Variants in RERE observed in about 807,000 individuals in gnomAD.
RERE encodes arginine-glutamic acid dipeptide repeats protein.
Under a neutral mutation model 146.1 loss-of-function variants are expected in RERE, and 40 were observed. The ratio of observed to expected loss-of-function variants is 0.27; its 90% CI spans 0.21 to 0.36. The LOEUF (loss-of-function observed/expected upper bound fraction) is 0.36. Among genes scored for constraint, RERE ranks in the 10% least tolerant of loss-of-function variants. RERE has a pLI of 1.00. For synonymous variants in RERE, 1,003 were observed against 866.0 expected, an observed-to-expected ratio of 1.16 and a Z score of -2.78; for missense variants, 1,933 against 2,138.7, an observed-to-expected ratio of 0.90 and a Z score of 1.90.
At chr1:8,758,413 A>G (rs1640688573) in intron 1 of RERE, among the ~76,000 whole-genome samples, 1 of 148,008 alleles carries the variant, frequency 6.8e-6, no homozygotes, top group African/African-American at 2.5e-5. Context: ...TTTTAAAGAA[A>G]CGGGGTTTCA....
intron 11 of RERE, among the ~76,000 whole-genome samples, chr1:8,429,319 C>T (rs1291603429): frequency 1.3e-5 from 2 of 152,048 alleles, no homozygotes; most frequent in African/African-American, 2.4e-5. Context: ...GGAATGGAGC[C>T]GAGGGTGCAG....
chr1:8,551,656 CAT>C (rs112429748), intron 6 of RERE, among the ~76,000 whole-genome samples: 8 of 152,290 alleles, frequency 5.3e-5, no homozygotes, highest in Admixed American at 2.6e-4. Flanking sequence ...GTGTACTACA[CAT>C]GTTACTAGGG....
chr1:8,600,654 G>T (rs1646610223), intron 4 of RERE, among the ~76,000 whole-genome samples: 1 of 151,422 alleles, frequency 6.6e-6, no homozygotes, highest in African/African-American at 2.4e-5. Context: ...AAATACTAAA[G>T]TTAGCAGTAA....
At chr1:8,772,180 G>A (rs990417086) in intron 1 of RERE, among the ~76,000 whole-genome samples, 3 of 151,884 alleles carry the variant, frequency 2.0e-5, no homozygotes, top group Non-Finnish European at 4.4e-5. Context: ...GAAGGCAGGA[G>A]CTTCAACTGT....
intron 11 of RERE, among the ~76,000 whole-genome samples, chr1:8,444,707 A>G: frequency 6.6e-6 from 1 of 152,186 alleles, no homozygotes; most frequent in East Asian, 1.9e-4. Flanking sequence ...TGTGCTTGCA[A>G]TAGTGAGTGA....
intron 4 of RERE, among the ~76,000 whole-genome samples, chr1:8,564,886 A>AC (rs1646134691): frequency 7.7e-6 from 1 of 129,796 alleles, no homozygotes; most frequent in Non-Finnish European, 1.7e-5. Flanking sequence ...ATATATATAA[A>AC]ACTACTATTC....
At chr1:8,357,179 G>A (rs1641329737) in intron 20 of RERE, among the ~76,000 whole-genome samples, 1 of 152,222 alleles carries the variant, frequency 6.6e-6, no homozygotes, top group Non-Finnish European at 1.5e-5. Context: ...CAGGGGTTCT[G>A]CCAGCACCTA....
chr1:8,488,646 G>A (rs1035552414), intron 10 of RERE, among the ~76,000 whole-genome samples: 15 of 152,286 alleles, frequency 9.8e-5, no homozygotes, highest in Admixed American at 6.5e-4. Flanking sequence ...CACATTTAAA[G>A]CAGAAAGACA....
intron 11 of RERE, among the ~76,000 whole-genome samples, chr1:8,455,940 C>T (rs900584091): frequency 1.3e-5 from 2 of 152,154 alleles, no homozygotes; most frequent in South Asian, 2.1e-4. Flanking sequence ...CTCAGAAGAA[C>T]GAGTGTTGGG....
At chr1:8,745,934 A>G (rs757141259) in intron 1 of RERE, among the ~76,000 whole-genome samples, 53 of 152,186 alleles carry the variant, frequency 3.5e-4, no homozygotes, top group Non-Finnish European at 6.9e-4. Flanking sequence ...CAAGCATGGC[A>G]GCACATGCCT....
chr1:8,687,840 A>G (rs1405620453), intron 1 of RERE, among the ~76,000 whole-genome samples: 2 of 152,376 alleles, frequency 1.3e-5, no homozygotes, highest in East Asian at 3.9e-4. Flanking sequence ...TATATATTGC[A>G]AAGTAAAACA....
chr1:8,415,191 T>G (rs565629577), intron 12 of RERE, among the ~76,000 whole-genome samples: 1 of 152,210 alleles, frequency 6.6e-6, no homozygotes, highest in Non-Finnish European at 1.5e-5. Flanking sequence ...AAGCTCCAAG[T>G]GGATAAATCC....
At chr1:8,504,516 A>G (rs1014008581) in intron 8 of RERE, among the ~76,000 whole-genome samples, 2 of 152,244 alleles carry the variant, frequency 1.3e-5, no homozygotes, top group African/African-American at 4.8e-5. Context: ...CAGAATTAGA[A>G]TATCACTGTT....
rs115771351 is a variant in RERE at position 8,402,352 on chromosome 1, A to G, written c.1284+20375T>C. Among the ~76,000 whole-genome samples, 581 of 152,328 alleles carry G rather than the reference A, an allele frequency of 3.8e-3. 5 individuals carry two copies. Among genetic ancestry groups the G allele is most frequent in the African/African-American group, 0.014 (563 of 41,568 alleles). On this transcript the variant is annotated intron_variant, in intron 12 of 22. Transcript: ENST00000400908. ...CAGAAATGTGAGTAAAGAAGATCACAGCTGTTTATGTCACACACAGCCATT... is the reference window on the plus strand; with the variant it reads ...CAGAAATGTGAGTAAAGAAGATCACGGCTGTTTATGTCACACACAGCCATT...
At chr1:8,483,058 T>C (rs751239760) in intron 10 of RERE, among the ~76,000 whole-genome samples, 1 of 152,240 alleles carries the variant, frequency 6.6e-6, no homozygotes, top group Non-Finnish European at 1.5e-5. Context: ...ACAGTGCCTG[T>C]CAAGGCTGAT....
rs1347872133 is a variant in RERE at position 8,364,031 on chromosome 1, A to G, written c.1740+25T>C. 1 of 1,605,018 alleles carries G rather than the reference A, an allele frequency of 6.2e-7. No individual in the cohort carries two copies. Among genetic ancestry groups the G allele is most frequent in the South Asian group, 1.1e-5 (1 of 90,916 alleles). ...CCAGGAAACTGAAGAAGTTGCCAGG[A>G]GCCCCATGGCCCCAGGGGACTCACC... On this transcript the variant is annotated intron_variant, in intron 15 of 22. Transcript: ENST00000400908. The surrounding 1 kb of genome is among the most constrained non-coding windows in gnomAD (Gnocchi z 5.1).
intron 12 of RERE, among the ~76,000 whole-genome samples, chr1:8,398,448 C>T (rs1643132515): frequency 6.6e-6 from 1 of 152,212 alleles, no homozygotes; most frequent in African/African-American, 2.4e-5. Flanking sequence ...TCAGCTTCTT[C>T]CTGACGTGTG....
intron 1 of RERE, among the ~76,000 whole-genome samples, chr1:8,810,145 C>T (rs1023812894): frequency 2.0e-5 from 3 of 152,082 alleles, no homozygotes; most frequent in Admixed American, 6.5e-5. Context: ...ACTGGGATTA[C>T]AGGTACCCGC....
intron 1 of RERE, among the ~76,000 whole-genome samples, chr1:8,812,541 G>GGA (rs1166983497): frequency 6.6e-6 from 1 of 152,130 alleles, no homozygotes; most frequent in Non-Finnish European, 1.5e-5. Flanking sequence ...CAGCTACTCG[G>GGA]GAGACTGAGG....
Sources: allele counts gnomAD v4.1 joint callset (sites outside exome capture counted in the v4.1 genomes callset), GRCh38; gene constraint gnomAD v4.1.1; non-coding constraint Gnocchi (gnomAD v3.1); transcripts MANE v1.5; gene names NCBI Gene and HGNC (gene_info 2026-07-23, HGNC 2026-07-21).